The following CDK5RAP2 variants were observed in gnomAD, a reference collection of about 807,000 sequenced individuals.
CDK5RAP2 encodes CDK5 regulatory subunit-associated protein 2.
Under a neutral mutation model 232.9 loss-of-function variants are expected in CDK5RAP2, and 147 were observed. The observed-to-expected ratio is 0.63, with a 90% CI of 0.55 to 0.72. The LOEUF (loss-of-function observed/expected upper bound fraction) is 0.72. Ranked by LOEUF, CDK5RAP2 falls within the 30% of genes least tolerant of loss-of-function variation. CDK5RAP2 has a pLI of 0.00. For synonymous variants in CDK5RAP2, 833 were observed against 833.7 expected (o/e 1.00, Z 0.01); for missense variants, 2,195 against 2,231.5 (o/e 0.98, Z 0.33).
chr9:120,450,663 A>T (rs760932797), intron 21 of CDK5RAP2, among the ~76,000 whole-genome samples: 3 of 152,218 alleles, frequency 2.0e-5, no homozygotes, highest in Non-Finnish European at 4.4e-5. Context: ...CTTCTTGAAC[A>T]TTCTAGGATA....
At chr9:120,477,020 A>G (rs947667124) in intron 15 of CDK5RAP2, among the ~76,000 whole-genome samples, 7 of 152,194 alleles carry the variant, frequency 4.6e-5, no homozygotes, top group South Asian at 2.1e-4. Context: ...TTATTACTTC[A>G]CAGAAAGGCT....
chr9:120,499,980 A>T (rs1264684503), intron 12 of CDK5RAP2, among the ~76,000 whole-genome samples: 3 of 145,232 alleles, frequency 2.1e-5, no homozygotes, highest in Non-Finnish European at 4.7e-5. Flanking sequence ...AAACAAAAAG[A>T]AAAGTTTAAG....
At chr9:120,434,350 G>C (rs532631169) in intron 25 of CDK5RAP2, among the ~76,000 whole-genome samples, 2 of 152,148 alleles carry the variant, frequency 1.3e-5, no homozygotes, top group South Asian at 4.1e-4. Flanking sequence ...AGGGTGGGGC[G>C]GCAGAAGTAA....
chr9:120,538,642 T>A (rs2041496973), intron 6 of CDK5RAP2, among the ~76,000 whole-genome samples: 1 of 152,216 alleles, frequency 6.6e-6, no homozygotes, highest in Admixed American at 6.5e-5. Context: ...GTCATTTCCC[T>A]TCTCTGGCCG....
chr9:120,469,178 C>A (rs2037549773), intron 17 of CDK5RAP2, among the ~76,000 whole-genome samples: 1 of 152,174 alleles, frequency 6.6e-6, no homozygotes, highest in Non-Finnish European at 1.5e-5. Context: ...TTTCTTAGTT[C>A]TGTGCCTTAA....
At position 120,491,286 on chromosome 9, in the gene CDK5RAP2, TA is replaced by T. The variant is rs547509281; in HGVS notation, c.1482+20del. Reference sequence around the variant, plus strand: ...TCAACCCATGCCAAATTAAAAAATTTAAATACAAAAGTTACAGTACCTGAAG... The same window carrying T: ...TCAACCCATGCCAAATTAAAAAATTTAATACAAAAGTTACAGTACCTGAAG... On this transcript the variant is annotated intron_variant, in intron 13 of 37. Transcript: ENST00000349780. 1.9e-6 allele frequency: 3 copies of T among 1,598,186 alleles called. No homozygotes were observed. In the South Asian group the frequency reaches 3.3e-5, roughly 18 times the overall value.
In CDK5RAP2 at chr9:120,518,486, GTC is replaced by G; in HGVS notation, c.1250_1251del (p.Arg417ThrfsTer21). 6.2e-7 allele frequency: 1 copy of G among 1,613,618 alleles called. No individual in the cohort carries two copies. Among genetic ancestry groups the G allele is most frequent in the Non-Finnish European group, 8.5e-7 (1 of 1,179,962 alleles). ...ELSDLQQERE[R>X]LEKDLEEAHR... ...TGGGCTTCCTCCAGGTCCTTCTCCA[GTC>G]TCTCCCTCTCCTGCTGCAAGTCACT... is the stretch of plus-strand genomic sequence containing the variant. On this transcript the variant is annotated frameshift_variant, in exon 12 of 38. Coordinates refer to ENST00000349780, the MANE Select transcript of CDK5RAP2 (RefSeq NM_018249.6). LOFTEE classifies it high-confidence loss of function.
intron 8 of CDK5RAP2, among the ~76,000 whole-genome samples, chr9:120,529,598 G>A (rs1274678038): frequency 6.6e-6 from 1 of 152,156 alleles, no homozygotes; most frequent in Non-Finnish European, 1.5e-5. Context: ...CTCTCAAGTT[G>A]CAGACCAAAG....
At chr9:120,437,619 T>C in intron 24 of CDK5RAP2, 92 bp from the exon 25 acceptor site, 1 of 924,152 alleles carries the variant, frequency 1.1e-6, no homozygotes, top group Admixed American at 1.8e-5. Flanking sequence ...AGAGTACAAT[T>C]TTTAAAAGCC....
intron 17 of CDK5RAP2, among the ~76,000 whole-genome samples, chr9:120,468,595 T>G (rs1052239551): frequency 6.6e-6 from 1 of 152,264 alleles, no homozygotes; most frequent in African/African-American, 2.4e-5. Context: ...CAGACTAGTG[T>G]GTCTCTCTCC....
At chr9:120,518,762 A>G in intron 11 of CDK5RAP2, 117 bp from the exon 12 acceptor site, 1 of 776,936 alleles carries the variant, frequency 1.3e-6, no homozygotes, top group Non-Finnish European at 2.2e-6. Context: ...AGATTAACAT[A>G]GACAACATTC....
At chr9:120,525,891 A>G (rs992074748) in intron 10 of CDK5RAP2, among the ~76,000 whole-genome samples, 2 of 152,190 alleles carry the variant, frequency 1.3e-5, no homozygotes, top group African/African-American at 2.4e-5. Context: ...GTGTTGGGAT[A>G]AAAGGCGTAA....
In CDK5RAP2 at chr9:120,518,690, T is replaced by TC. The variant is rs771483074; in HGVS notation, c.1093-46dup. The TC allele has an allele frequency of 9.4e-6, 14 of 1,485,854 alleles. No homozygotes were observed. In the South Asian group the frequency reaches 1.6e-4, roughly 17 times the overall value. The allele number at this position is 1,485,854 out of a possible 1,614,324, so 92.0% of individuals were successfully genotyped here. ...AGCAAGATGAGCTAATTTTCATACC[T>TC]CATGAAACAAACCAAGAAACCTGGG... is the stretch of plus-strand genomic sequence containing the variant. On this transcript the variant is annotated intron_variant, in intron 11 of 37. Transcript: ENST00000349780.
In CDK5RAP2 at chr9:120,389,238, A is replaced by G. The variant is rs758937704; in HGVS notation, c.5680T>C (p.Ter1894ArgextTer102). 3.1e-6 allele frequency: 5 copies of G among 1,612,404 alleles called. No individual in the cohort carries two copies. In the South Asian group the frequency reaches 5.5e-5, roughly 18 times the overall value. ...GCTTTATTGGCTGAAAGTTCTTCTCAGGAGCCTGGTCTGCTGGGACTGCAT... is the reference window on the plus strand; with the variant it reads ...GCTTTATTGGCTGAAAGTTCTTCTCGGGAGCCTGGTCTGCTGGGACTGCAT... ...GTCSPSRPGS[*>R] Residue 1894 changes from the stop codon to arginine, a stop_lost, in exon 38 of 38, where the codon TGA (stop) becomes CGA (arginine). Coordinates refer to ENST00000349780, the MANE Select transcript of CDK5RAP2 (RefSeq NM_018249.6).
In CDK5RAP2 at chr9:120,411,432, G is replaced by A. The variant is rs989753993; in HGVS notation, c.4340C>T (p.Ser1447Phe). ...CAAGAAATGAATTTCTGATGTTAGA[G>A]AACTATGAAGCTCTGAACCAGAAGC... ...IFASGSELHSSLTSEIHFLRK... is the reference protein window; with the variant it reads ...IFASGSELHSFLTSEIHFLRK... Residue 1447 changes from serine (S) to phenylalanine (F), a missense_variant, in exon 29 of 38, where the codon TCT becomes TTT. By Grantham distance (155) the Ser-to-Phe change is radical. Transcript: ENST00000349780. The A allele has an allele frequency of 1.2e-6, 2 of 1,613,098 alleles. No individual in the cohort carries two copies. The highest frequency in any genetic ancestry group is 1.7e-6 in the Non-Finnish European group (2 of 1,179,156).
intron 3 of CDK5RAP2, among the ~76,000 whole-genome samples, chr9:120,565,400 T>C (rs1410435686): frequency 6.6e-6 from 1 of 152,170 alleles, no homozygotes; most frequent in Non-Finnish European, 1.5e-5. Flanking sequence ...CTTCTCCTCA[T>C]AGTCACCAGC....
At chr9:120,496,351 C>T (rs1588485486) in intron 12 of CDK5RAP2, among the ~76,000 whole-genome samples, 2 of 144,996 alleles carry the variant, frequency 1.4e-5, no homozygotes, top group East Asian at 2.2e-4. Context: ...GCCCCCCGCC[C>T]GGCCAGCCGC....
intron 3 of CDK5RAP2, among the ~76,000 whole-genome samples, chr9:120,564,598 T>A (rs1440423524): frequency 6.6e-6 from 1 of 152,102 alleles, no homozygotes; most frequent in Non-Finnish European, 1.5e-5. Flanking sequence ...ACCTGAAATG[T>A]CCCACAGTAA....
intron 4 of CDK5RAP2, among the ~76,000 whole-genome samples, chr9:120,550,171 T>C (rs1013993804): frequency 3.9e-5 from 6 of 152,246 alleles, no homozygotes; most frequent in Non-Finnish European, 7.3e-5. Context: ...GACAAAGACC[T>C]GCAGGTCAAG....
Sources: gnomAD v4.1 joint callset for allele counts (sites outside exome capture counted in the v4.1 genomes callset) on GRCh38, gnomAD v4.1.1 for gene constraint, MANE v1.5 for transcripts, NCBI Gene and HGNC (gene_info 2026-07-23, HGNC 2026-07-21) for gene names.